CHDH: variants seen among roughly 807,000 people sequenced by gnomAD.
CHDH encodes choline dehydrogenase.
CHDH carries 43 observed loss-of-function variants against 56.9 expected under a neutral mutation model. The ratio of observed to expected loss-of-function variants is 0.76; its 90% confidence interval spans 0.59 to 0.97. The LOEUF is 0.97. Among genes scored for constraint, CHDH ranks in the 50% least tolerant of loss-of-function variants. The pLI is 0.00. For synonymous variants in CHDH, 364 were observed against 348.5 expected (o/e 1.04, Z -0.50); for missense variants, 816 against 821.1 (o/e 0.99, Z 0.08).
intron 2 of CHDH, among the ~76,000 whole-genome samples, chr3:53,831,100 G>C (rs981737125): frequency 1.3e-5 from 2 of 152,202 alleles, no homozygotes; most frequent in African/African-American, 4.8e-5. Context: ...AGAGCCCTTG[G>C]GCCTTAAGTG....
intron 4 of CHDH, among the ~76,000 whole-genome samples, 157 bp from the exon 5 acceptor site, chr3:53,821,933 C>T (rs1249035499): frequency 6.6e-6 from 1 of 152,172 alleles, no homozygotes; most frequent in Non-Finnish European, 1.5e-5. Flanking sequence ...GGAGAGGAAA[C>T]TCACTGAGTC....
At chr3:53,822,673 G>A (rs1237822291) in intron 3 of CHDH, 31 bp from the exon 4 acceptor site, 1 of 1,591,886 alleles carries the variant, frequency 6.3e-7, no homozygotes, top group Non-Finnish European at 8.5e-7. Flanking sequence ...GTCAGGCATG[G>A]CTCCGCCCTC....
intron 2 of CHDH, among the ~76,000 whole-genome samples, chr3:53,826,146 A>G (rs1164052149): frequency 6.6e-6 from 1 of 152,152 alleles, no homozygotes; most frequent in Non-Finnish European, 1.5e-5. Context: ...CTTCCAAAAC[A>G]GCACCAAGCT....
chr3:53,817,714 G>T lies in CHDH; in HGVS notation c.*63C>A. On this transcript the variant is annotated 3_prime_UTR_variant, in exon 9 of 9. Coordinates refer to ENST00000315251, the MANE Select transcript of CHDH (RefSeq NM_018397.5). ...TTTCAGGCAGGAGCCTGGGAGCAAG[G>T]GCTGTGCTGGCCCTCTTGGCTTATC... The T allele has an allele frequency of 1.4e-6, 2 of 1,417,626 alleles. No homozygotes were observed. The highest frequency in any genetic ancestry group is 1.9e-6 in the Non-Finnish European group (2 of 1,045,202). 87.8% of individuals were successfully genotyped at this position (1,417,626 alleles called of 1,614,324 possible).
At chr3:53,818,281 A>G (rs1308901508) in intron 8 of CHDH, 86 bp from the exon 9 acceptor site, 5 of 1,253,032 alleles carry the variant, frequency 4.0e-6, no homozygotes, top group Non-Finnish European at 5.4e-6. Flanking sequence ...GAGGCTCTGT[A>G]AGCTGTCTGA....
chr3:53,832,425 G>A (rs1698364669), intron 2 of CHDH, among the ~76,000 whole-genome samples: 1 of 152,140 alleles, frequency 6.6e-6, no homozygotes, highest in East Asian at 1.9e-4. Flanking sequence ...CCAGCTACTT[G>A]GGAGGCTGAG....
At position 53,813,527 on chromosome 3, in the gene CHDH, CTG is replaced by C. The variant is rs2095609865; in HGVS notation, c.*4248_*4249del. On this transcript the variant is annotated 3_prime_UTR_variant, in exon 9 of 9. Coordinates refer to ENST00000315251, the MANE Select transcript of CHDH (RefSeq NM_018397.5). ...ACCACTGTCAACATTATCCTGGACT[CTG>C]TGTCTCTCTCTGTTGGGTCTTGTGG... The C allele has an allele frequency of 6.6e-6, 1 of 152,222 alleles. No homozygotes were observed. Among genetic ancestry groups the C allele is most frequent in the African/African-American group, 2.4e-5 (1 of 41,454 alleles). The allele number at this position is 152,222 out of a possible 1,614,324, so 9.4% of individuals were successfully genotyped here. A position where few individuals can be genotyped will look rare whatever the true frequency, so the allele number is the denominator to read the frequency against.
intron 1 of CHDH, among the ~76,000 whole-genome samples, chr3:53,845,277 TAATC>T (rs1411826561): frequency 6.6e-6 from 1 of 152,134 alleles, no homozygotes; most frequent in African/African-American, 2.4e-5. Flanking sequence ...ATGCAAGCCT[TAATC>T]AAGCTGGCAG....
intron 1 of CHDH, among the ~76,000 whole-genome samples, chr3:53,845,011 C>T (rs1192526559): frequency 1.3e-5 from 2 of 152,258 alleles, no homozygotes; most frequent in African/African-American, 4.8e-5. Flanking sequence ...ATGTGTGGTT[C>T]ACCTTTGCAC....
At position 53,818,953 on chromosome 3, in the gene CHDH, T is replaced by G. The variant is rs1315854574; in HGVS notation, c.1351A>C (p.Asn451His). ...GGTGAAGTACCTGTTGACAAGTAGTTGGGCTGGATCACAGGGTGGTCTTGG... is the reference window on the plus strand; with the variant it reads ...GGTGAAGTACCTGTTGACAAGTAGTGGGGCTGGATCACAGGGTGGTCTTGG... The part of the protein sequence containing the change: ...NPQDHPVIQP[N>H]YLSTETDIED... The change falls in exon 8 of 9, where the codon AAC becomes CAC. Residue 451 changes from asparagine to histidine, a missense_variant. Coordinates refer to ENST00000315251, the MANE Select transcript of CHDH (RefSeq NM_018397.5). The G allele has an allele frequency of 6.2e-7, 1 of 1,612,134 alleles. No individual in the cohort carries two copies. Among genetic ancestry groups the G allele is most frequent in the Non-Finnish European group, 8.5e-7 (1 of 1,178,260 alleles).
chr3:53,833,610 T>C (rs1010380645), intron 2 of CHDH, among the ~76,000 whole-genome samples: 1 of 152,124 alleles, frequency 6.6e-6, no homozygotes, highest in Non-Finnish European at 1.5e-5. Context: ...TTCATTTCCA[T>C]GTGTTGGGGT....
At chr3:53,837,597 C>T (rs1698537043) in intron 2 of CHDH, among the ~76,000 whole-genome samples, 1 of 152,256 alleles carries the variant, frequency 6.6e-6, no homozygotes, top group Non-Finnish European at 1.5e-5. Flanking sequence ...TGAAGTAAGT[C>T]TGCCCTCCTG....
chr3:53,821,719 G>A lies in CHDH; in HGVS notation c.913C>T (p.Leu305Phe). The change falls in exon 5 of 9, where the codon CTC (leucine) becomes TTC (phenylalanine). Residue 305 changes from leucine (L) to phenylalanine (F), a missense_variant. Transcript: ENST00000315251. ...SGGAINSPQLLMLSGIGNADD... is the reference protein window; with the variant it reads ...SGGAINSPQLFMLSGIGNADD... ...GCATTCCCGATGCCAGAGAGCATGA[G>A]CAGCTGTGGAGAGTTGATGGCACCT... is the stretch of plus-strand genomic sequence containing the variant. 6.2e-7 allele frequency: 1 copy of A among 1,614,058 alleles called. No homozygotes were observed. The highest frequency in any genetic ancestry group is 8.5e-7 in the Non-Finnish European group (1 of 1,179,954).
rs764998360 is a variant in CHDH, at chr3:53,817,910, A to C, written c.1652T>G (p.Met551Arg). The C allele has an allele frequency of 9.3e-6, 15 of 1,614,192 alleles. No individual in the cohort carries two copies. The highest frequency in any genetic ancestry group is 1.2e-5 in the Non-Finnish European group (14 of 1,180,030). Reference protein sequence around the residue: ...RVVDASIMPSMVSGNLNAPTI... With the variant: ...RVVDASIMPSRVSGNLNAPTI... ...GGGGGCGTTCAGGTTGCCGCTGACC[A>C]TGCTAGGCATGATGGAGGCATCGAC... is the stretch of plus-strand genomic sequence containing the variant. Residue 551 changes from methionine (M) to arginine (R), a missense_variant, in exon 9 of 9, where the codon ATG becomes AGG. Transcript: ENST00000315251.
intron 2 of CHDH, among the ~76,000 whole-genome samples, chr3:53,832,748 G>T (rs1410157443): frequency 6.6e-6 from 1 of 152,098 alleles, no homozygotes; most frequent in Admixed American, 6.6e-5. Flanking sequence ...CATAGAAACA[G>T]AAAATAGATT....
chr3:53,812,446 T>TATCA lies in CHDH; in HGVS notation c.*5327_*5330dup, dbSNP rs936816567. ...AAAATATTTTGAGTCACTATAAACCTATCATCTTTCCACAAGATATACCAG... is the reference window on the plus strand; with the variant it reads ...AAAATATTTTGAGTCACTATAAACCTATCAATCATCTTTCCACAAGATATACCAG... On this transcript the variant is annotated 3_prime_UTR_variant, in exon 9 of 9. Coordinates refer to ENST00000315251, the MANE Select transcript of CHDH (RefSeq NM_018397.5). 5.3e-5 allele frequency: 8 copies of TATCA among 151,472 alleles called. No individual in the cohort carries two copies. The East Asian group carries it at 5.8e-4, about 11-fold the overall frequency. 9.4% of individuals were successfully genotyped at this position (151,472 alleles called of 1,614,324 possible).
chr3:53,820,508 G>A lies in CHDH; in HGVS notation c.1086C>T (p.Val362=). Residue 362 remains valine (V), a synonymous_variant, in exon 6 of 9, where the codon GTC becomes GTT. Transcript: ENST00000315251. ...LHSAQKPLRK[V]CIGLEWLWKF... Reference sequence around the variant, plus strand: ...TCCAGAGCCACTCCAGACCAATGCAGACCTTCCGCAGGGGCTTCTGTGCTG... The same window carrying A: ...TCCAGAGCCACTCCAGACCAATGCAAACCTTCCGCAGGGGCTTCTGTGCTG... 6.2e-7 allele frequency: 1 copy of A among 1,613,940 alleles called. No homozygotes were observed. Among genetic ancestry groups the A allele is most frequent in the South Asian group, 1.1e-5 (1 of 91,062 alleles).
In CHDH at chr3:53,823,686, T is replaced by C; in HGVS notation, c.323A>G (p.His108Arg). Reference protein sequence around the residue: ...LCDDRYNWCYHTEVQRGLDGR... With the variant: ...LCDDRYNWCYRTEVQRGLDGR... The stretch of plus-strand genomic sequence containing the variant: ...GTCCAGGCCCCGCTGCACCTCTGTG[T>C]GGTAGCACCAGTTGTACCTGTCGTC... The change falls in exon 3 of 9, where the codon CAC becomes CGC. Residue 108 changes from histidine to arginine, a missense_variant. By Grantham distance (29) the His-to-Arg change is conservative (BLOSUM62 0). Transcript: ENST00000315251. 3 of 1,548,482 alleles carry C rather than the reference T, an allele frequency of 1.9e-6. No homozygotes were observed. Among genetic ancestry groups the C allele is most frequent in the Non-Finnish European group, 2.6e-6 (3 of 1,147,094 alleles).
At chr3:53,839,392 AATGAGAGAGAG>A (rs1303350557) in intron 2 of CHDH, among the ~76,000 whole-genome samples, 3 of 152,220 alleles carry the variant, frequency 2.0e-5, no homozygotes, top group Non-Finnish European at 4.4e-5. Context: ...AGAATGGATA[AATGAGAGAGAG>A]ATGAGAGAGA....
Sources: gnomAD v4.1 joint callset for allele counts (sites outside exome capture counted in the v4.1 genomes callset) on GRCh38, gnomAD v4.1.1 for gene constraint, MANE v1.5 for transcripts, NCBI Gene and HGNC (gene_info 2026-07-23, HGNC 2026-07-21) for gene names.